Variants in FAR2 observed in about 807,000 individuals in gnomAD.
The protein encoded by FAR2 is fatty acyl-CoA reductase 2.
A neutral mutation model predicts 56.0 loss-of-function variants in FAR2; 19 were observed. The observed-to-expected ratio is 0.34, with a 90% CI of 0.24 to 0.50. The LOEUF is 0.50. Among genes scored for constraint, FAR2 ranks in the 20% least tolerant of loss-of-function variants. The pLI, the probability that FAR2 is intolerant of heterozygous loss-of-function variation, is 0.98. For synonymous variants in FAR2, 219 were observed against 218.8 expected, an observed-to-expected ratio of 1.00 and a Z score of -0.01; for missense variants, 508 against 642.2, an observed-to-expected ratio of 0.79 and a Z score of 2.26.
At chr12:29,286,446 C>T (rs938953818) in intron 2 of FAR2, among the ~76,000 whole-genome samples, 5 of 152,196 alleles carry the variant, frequency 3.3e-5, no homozygotes, top group African/African-American at 1.2e-4. Context: ...GAAACTATTG[C>T]TTGCCATTTC....
chr12:29,203,348 A>T (rs1801895493), intron 1 of FAR2, among the ~76,000 whole-genome samples: 1 of 152,206 alleles, frequency 6.6e-6, no homozygotes, highest in Non-Finnish European at 1.5e-5. Flanking sequence ...CAGGAAAGCG[A>T]TTTATGCTGC....
At chr12:29,201,554 T>TA (rs757811096) in intron 1 of FAR2, among the ~76,000 whole-genome samples, 3 of 152,168 alleles carry the variant, frequency 2.0e-5, no homozygotes, top group Non-Finnish European at 4.4e-5. Context: ...GGTCAAGTAA[T>TA]AGACTCATCA....
At chr12:29,309,803 C>T (rs1949316724) in intron 6 of FAR2, 1 of 152,530 alleles carries the variant, frequency 6.6e-6, no homozygotes. Flanking sequence ...GGTAAGCAGC[C>T]CTTAGTGCGC....
intron 1 of FAR2, among the ~76,000 whole-genome samples, chr12:29,248,472 T>A (rs1948161978): frequency 6.6e-6 from 1 of 152,128 alleles, no homozygotes; most frequent in South Asian, 2.1e-4. Flanking sequence ...TGCAAATAGA[T>A]GTGGGTCACA....
At chr12:29,167,826 A>G (rs1180346768) in intron 1 of FAR2, among the ~76,000 whole-genome samples, 1 of 152,252 alleles carries the variant, frequency 6.6e-6, no homozygotes, top group Non-Finnish European at 1.5e-5. Context: ...AGATAAATAT[A>G]TGACGGTAAA....
At chr12:29,260,838 G>A (rs964745355) in intron 1 of FAR2, among the ~76,000 whole-genome samples, 16 of 152,270 alleles carry the variant, frequency 1.1e-4, no homozygotes, top group African/African-American at 3.9e-4. Flanking sequence ...TCTCTGCCTG[G>A]TAATCCAGGG....
intron 1 of FAR2, among the ~76,000 whole-genome samples, chr12:29,266,842 C>T (rs1298782099): frequency 6.6e-6 from 1 of 152,034 alleles, no homozygotes; most frequent in East Asian, 1.9e-4. Flanking sequence ...AGAAAGAAAT[C>T]TCTAAAATTT....
chr12:29,307,366 G>T (rs1443083342), intron 4 of FAR2, among the ~76,000 whole-genome samples: 2 of 151,888 alleles, frequency 1.3e-5, no homozygotes, highest in African/African-American at 4.8e-5. Flanking sequence ...TAATAAAGTA[G>T]TATTGCTATT....
intron 1 of FAR2, among the ~76,000 whole-genome samples, chr12:29,151,148 T>C (rs1336717019): frequency 6.6e-6 from 1 of 152,192 alleles, no homozygotes; most frequent in African/African-American, 2.4e-5. Flanking sequence ...TAAGAATTCC[T>C]TGATTTTGCA....
intron 1 of FAR2, among the ~76,000 whole-genome samples, chr12:29,184,832 G>C (rs562385273): frequency 6.6e-6 from 1 of 152,140 alleles, no homozygotes; most frequent in Admixed American, 6.5e-5. Context: ...GTGAGGCTTA[G>C]TTAAATCTCT....
chr12:29,265,799 A>C (rs1432492373), intron 1 of FAR2, among the ~76,000 whole-genome samples: 2 of 152,214 alleles, frequency 1.3e-5, no homozygotes, highest in Non-Finnish European at 2.9e-5. Context: ...ATATATAAGG[A>C]ACACAAACAA....
At chr12:29,243,056 C>T (rs1948064494) in intron 1 of FAR2, among the ~76,000 whole-genome samples, 2 of 152,244 alleles carry the variant, frequency 1.3e-5, no homozygotes, top group East Asian at 3.9e-4. Flanking sequence ...AGTGGGAAAG[C>T]ATTATAGTGG....
chr12:29,232,813 G>A (rs77061923), intron 1 of FAR2, among the ~76,000 whole-genome samples: 9,100 of 138,456 alleles, frequency 0.066, 319 homozygotes, highest in South Asian at 0.17. Context: ...ACACACATAC[G>A]CGCTCGCGCA....
chr12:29,299,400 A>G (rs1336890874), intron 4 of FAR2, among the ~76,000 whole-genome samples: 1 of 152,132 alleles, frequency 6.6e-6, no homozygotes, highest in Non-Finnish European at 1.5e-5. Flanking sequence ...ATCTTCAGGC[A>G]TTCAGCACTT....
At chr12:29,262,880 C>T (rs1185503993) in intron 1 of FAR2, among the ~76,000 whole-genome samples, 1 of 152,110 alleles carries the variant, frequency 6.6e-6, no homozygotes, top group African/African-American at 2.4e-5. Context: ...AACAAGACCT[C>T]ATGATCTGTT....
chr12:29,170,672 T>G (rs1949876613), intron 1 of FAR2, among the ~76,000 whole-genome samples: 1 of 152,118 alleles, frequency 6.6e-6, no homozygotes, highest in African/African-American at 2.4e-5. Context: ...TCCCTCTTTT[T>G]CTCTGTCTCT....
Position 29,304,375 on chromosome 12 carries a change from T to G in FAR2, c.546-3283T>G, listed in dbSNP as rs568047551. On this transcript the variant is annotated intron_variant, in intron 4 of 11. Transcript: ENST00000536681. ...GTGATAAAAATCATAATCCCTGATC[T>G]TCTGGACTCACTGTCTGTCCAGTGG... Among the ~76,000 whole-genome samples, 13 of 152,318 alleles carry G rather than the reference T, an allele frequency of 8.5e-5. No homozygotes were observed. In the South Asian group the frequency reaches 1.0e-3, roughly 12 times the overall value.
chr12:29,300,437 C>T (rs367570470), intron 4 of FAR2, among the ~76,000 whole-genome samples: 2 of 152,290 alleles, frequency 1.3e-5, no homozygotes, highest in South Asian at 4.1e-4. Context: ...AAAAATCATT[C>T]TGAATAAATA....
chr12:29,258,749 G>C (rs1008808314), intron 1 of FAR2, among the ~76,000 whole-genome samples: 9 of 152,166 alleles, frequency 5.9e-5, no homozygotes, highest in Admixed American at 2.0e-4. Context: ...TTTTTTCTCA[G>C]CTGACCCTAT....
Sources: allele counts gnomAD v4.1 joint callset (sites outside exome capture counted in the v4.1 genomes callset), GRCh38; gene constraint gnomAD v4.1.1; transcripts MANE v1.5; gene names NCBI Gene and HGNC (gene_info 2026-07-23, HGNC 2026-07-21).